The following PRRX1 variants were observed in gnomAD, a reference collection of about 807,000 sequenced individuals.
The protein encoded by PRRX1 is paired mesoderm homeobox protein 1.
PRRX1 carries 8 observed loss-of-function variants against 24.0 expected under a neutral mutation model. The observed-to-expected ratio is 0.33, with a 90% CI of 0.20 to 0.60. PRRX1 has a LOEUF of 0.60. Among genes scored for constraint, PRRX1 ranks in the 20% least tolerant of loss-of-function variants. The pLI, the probability that PRRX1 is intolerant of heterozygous loss-of-function variation, is 0.82. For synonymous variants in PRRX1, 160 were observed against 131.7 expected, an observed-to-expected ratio of 1.22 and a Z score of -1.47; for missense variants, 281 against 322.4, an observed-to-expected ratio of 0.87 and a Z score of 0.98.
chr1:170,680,925 A>G (rs1653483932), intron 1 of PRRX1, among the ~76,000 whole-genome samples: 1 of 152,216 alleles, frequency 6.6e-6, no homozygotes, highest in South Asian at 2.1e-4. Context: ...TATTCCTGTT[A>G]ACCCATGGGT....
chr1:170,725,757 C>T (rs1418442629), intron 2 of PRRX1, among the ~76,000 whole-genome samples: 1 of 152,160 alleles, frequency 6.6e-6, no homozygotes, highest in African/African-American at 2.4e-5. Flanking sequence ...GTTGGAACAT[C>T]TACTTTTGGG....
At chr1:170,699,623 C>G (rs1481947790) in intron 1 of PRRX1, among the ~76,000 whole-genome samples, 1 of 152,106 alleles carries the variant, frequency 6.6e-6, no homozygotes, top group East Asian at 1.9e-4. Context: ...AAATCAGGTT[C>G]CTATGGGCTC....
At chr1:170,703,738 C>T (rs922157943) in intron 1 of PRRX1, among the ~76,000 whole-genome samples, 1 of 152,184 alleles carries the variant, frequency 6.6e-6, no homozygotes, top group African/African-American at 2.4e-5. Flanking sequence ...GCCCTGGGCT[C>T]AGGCAAGATG....
At chr1:170,667,386 T>G (rs1043188838) in intron 1 of PRRX1, 3 of 152,170 alleles carry the variant, frequency 2.0e-5, no homozygotes, top group African/African-American at 7.2e-5. Context: ...TAACGAATAG[T>G]TTGTTGCTTT....
chr1:170,724,901 C>T lies in PRRX1; in HGVS notation c.418-1319C>T, dbSNP rs568226090. On this transcript the variant is annotated intron_variant, in intron 2 of 3. Transcript: ENST00000239461. ...AGCCATTTTTGTGATATTGATTCTTCCTATCCATGAGCATAGAATGTTTTT... is the reference window on the plus strand; with the variant it reads ...AGCCATTTTTGTGATATTGATTCTTTCTATCCATGAGCATAGAATGTTTTT... Among the ~76,000 whole-genome samples, 38 of 152,248 alleles carry T rather than the reference C, an allele frequency of 2.5e-4. 1 individual carries two copies. The South Asian group carries it at 7.5e-3, about 30-fold the overall frequency.
At chr1:170,720,870 C>T (rs533627513) in intron 2 of PRRX1, among the ~76,000 whole-genome samples, 2 of 152,296 alleles carry the variant, frequency 1.3e-5, no homozygotes, top group Non-Finnish European at 2.9e-5. Flanking sequence ...ATACAACCTG[C>T]GATTAACTCA....
Position 170,707,409 on chromosome 1 carries a change from T to TA in PRRX1, c.242-12306dup, listed in dbSNP as rs576149054. ...CCTTTTAACTCTCTTGTTGGCCAGATAAAAAAAAAAATTAAAATGTAGCTT... is the reference window on the plus strand; with the variant it reads ...CCTTTTAACTCTCTTGTTGGCCAGATAAAAAAAAAAAATTAAAATGTAGCTT... On this transcript the variant is annotated intron_variant, in intron 1 of 3. Transcript: ENST00000239461. 6.9e-3 allele frequency among the ~76,000 whole-genome samples: 1,013 copies of TA among 147,722 alleles called. 13 individuals are homozygous for TA. Among genetic ancestry groups the TA allele is most frequent in the African/African-American group, 0.023 (917 of 40,494 alleles).
chr1:170,663,458 A>G (rs530608505), upstream of PRRX1: 2 of 149,888 alleles, frequency 1.3e-5, no homozygotes, highest in South Asian at 4.3e-4. Context: ...ACCCACCAGC[A>G]CCCTCCGTCG....
intron 1 of PRRX1, among the ~76,000 whole-genome samples, chr1:170,665,403 G>A (rs898699659): frequency 6.6e-6 from 1 of 152,178 alleles, no homozygotes; most frequent in Non-Finnish European, 1.5e-5. Context: ...GTCTGTAACA[G>A]ACCGGTCACC....
chr1:170,677,218 A>G (rs1021100209), intron 1 of PRRX1, among the ~76,000 whole-genome samples: 9 of 152,236 alleles, frequency 5.9e-5, no homozygotes, highest in African/African-American at 2.2e-4. Flanking sequence ...ATTCATTAAT[A>G]CTTGCCAACT....
intron 3 of PRRX1, among the ~76,000 whole-genome samples, chr1:170,729,493 A>C (rs1655362377): frequency 2.0e-5 from 3 of 152,238 alleles, no homozygotes; most frequent in Admixed American, 2.0e-4. Flanking sequence ...AAAATAGCCA[A>C]CATACTTTTT....
chr1:170,700,176 A>T (rs1039538298), intron 1 of PRRX1, among the ~76,000 whole-genome samples: 2 of 152,002 alleles, frequency 1.3e-5, no homozygotes, highest in African/African-American at 2.4e-5. Context: ...TTTGGAAGTT[A>T]TTTTTTTGTG....
At chr1:170,706,505 T>A (rs1654572484) in intron 1 of PRRX1, among the ~76,000 whole-genome samples, 1 of 152,298 alleles carries the variant, frequency 6.6e-6, no homozygotes, top group Non-Finnish European at 1.5e-5. Context: ...CATGACTTTT[T>A]TGGGCCAGAG....
At chr1:170,717,056 T>G (rs569813514) in intron 1 of PRRX1, among the ~76,000 whole-genome samples, 2 of 152,342 alleles carry the variant, frequency 1.3e-5, no homozygotes, top group South Asian at 4.1e-4. Flanking sequence ...CTATTATACT[T>G]GCACTCTGAA....
At chr1:170,709,543 G>A (rs1026552251) in intron 1 of PRRX1, among the ~76,000 whole-genome samples, 12 of 152,160 alleles carry the variant, frequency 7.9e-5, no homozygotes, top group African/African-American at 2.2e-4. Context: ...TTCCTGGCCC[G>A]TTCCTGGCTC....
At chr1:170,706,761 G>A (rs1049409753) in intron 1 of PRRX1, among the ~76,000 whole-genome samples, 1 of 152,100 alleles carries the variant, frequency 6.6e-6, no homozygotes, top group Admixed American at 6.6e-5. Context: ...GTATCACTTG[G>A]TGACCACCTA....
At position 170,706,600 on chromosome 1, in the gene PRRX1, A is replaced by G. The variant is rs74123162; in HGVS notation, c.242-13126A>G. On this transcript the variant is annotated intron_variant, in intron 1 of 3. Transcript: ENST00000239461. ...TAAAGTTGACTTCTCATACATTTCT[A>G]TGAAAAAACTTTACTAACATTGAAT... Among the ~76,000 whole-genome samples the G allele has an allele frequency of 3.9e-5, 6 of 152,322 alleles. No homozygotes were observed. The South Asian group carries it at 1.0e-3, about 26-fold the overall frequency.
intron 1 of PRRX1, among the ~76,000 whole-genome samples, chr1:170,715,870 A>C (rs143278872): frequency 6.6e-6 from 1 of 152,310 alleles, no homozygotes; most frequent in African/African-American, 2.4e-5. Context: ...TTTCCTATAA[A>C]TATTTTCCCT....
chr1:170,713,664 C>T (rs1357882706), intron 1 of PRRX1, among the ~76,000 whole-genome samples: 1 of 152,172 alleles, frequency 6.6e-6, no homozygotes, highest in African/African-American at 2.4e-5. Flanking sequence ...TCTCTTTGAT[C>T]AAAACCATGC....
Sources: allele counts gnomAD v4.1 joint callset (sites outside exome capture counted in the v4.1 genomes callset), GRCh38; gene constraint gnomAD v4.1.1; transcripts MANE v1.5; gene names NCBI Gene and HGNC (gene_info 2026-07-23, HGNC 2026-07-21).